The following PINX1 variants were observed in gnomAD, a reference collection of about 807,000 sequenced individuals.
PINX1 encodes PIN2/TERF1-interacting telomerase inhibitor 1.
Under a neutral mutation model 25.4 loss-of-function variants are expected in PINX1, and 34 were observed. That is an observed-to-expected ratio of 1.34 (90% confidence interval 1.02 to 1.78). The LOEUF (loss-of-function observed/expected upper bound fraction) is 1.78. Ranked by LOEUF, PINX1 falls within the 40% of genes most tolerant of loss-of-function variation. The probability of loss-of-function intolerance (pLI) is 0.00; values close to 1 mark genes in which losing one functional copy is unlikely to be tolerated. For missense variants in PINX1, 592 were observed against 404.9 expected, an observed-to-expected ratio of 1.46 and a Z score of -3.97; for synonymous variants, 197 against 147.7, an observed-to-expected ratio of 1.33 and a Z score of -2.42.
At chr8:10,833,013 A>G (rs754299741) in intron 2 of PINX1, 29 bp from the exon 3 acceptor site, 9 of 1,401,488 alleles carry the variant, frequency 6.4e-6, no homozygotes, top group African/African-American at 1.6e-5. Flanking sequence ...GAGAGTTAGA[A>G]CATTCCTCTC....
chr8:10,799,834 T>C (rs943924466), intron 6 of PINX1, among the ~76,000 whole-genome samples: 4 of 152,128 alleles, frequency 2.6e-5, no homozygotes, highest in African/African-American at 7.2e-5. Context: ...CTGGGCAAAG[T>C]AGGTTTTTTC....
chr8:10,814,081 C>A (rs112832127), intron 6 of PINX1, among the ~76,000 whole-genome samples: 3 of 152,142 alleles, frequency 2.0e-5, no homozygotes. Context: ...TCTCAAGGGG[C>A]CCTGGGAATC....
chr8:10,787,710 G>A (rs1002669580), intron 6 of PINX1: 6 of 434,072 alleles, frequency 1.4e-5, no homozygotes, highest in African/African-American at 1.2e-4. Flanking sequence ...GTGAGTCAGT[G>A]TACGGTCTCT....
intron 6 of PINX1, among the ~76,000 whole-genome samples, chr8:10,784,107 T>C (rs934697692): frequency 6.6e-6 from 1 of 152,184 alleles, no homozygotes; most frequent in Non-Finnish European, 1.5e-5. Context: ...ATTTAGAGTA[T>C]CTGAGGTCCA....
At chr8:10,770,578 C>T (rs1363191967) in intron 6 of PINX1, among the ~76,000 whole-genome samples, 1 of 152,196 alleles carries the variant, frequency 6.6e-6, no homozygotes, top group Non-Finnish European at 1.5e-5. Context: ...CCTCTGGGCT[C>T]ATGGAGGACT....
intron 6 of PINX1, among the ~76,000 whole-genome samples, chr8:10,799,485 G>C (rs1802196876): frequency 6.6e-6 from 1 of 152,160 alleles, no homozygotes; most frequent in African/African-American, 2.4e-5. Flanking sequence ...TTCTAGACCT[G>C]CCACCAAAGA....
At chr8:10,820,528 C>A (rs1458435267) in intron 5 of PINX1, among the ~76,000 whole-genome samples, 1 of 152,208 alleles carries the variant, frequency 6.6e-6, no homozygotes. Context: ...CTAGAGCATA[C>A]TGACTGCAAG....
chr8:10,769,935 T>G (rs955523194), intron 6 of PINX1, among the ~76,000 whole-genome samples: 1 of 152,222 alleles, frequency 6.6e-6, no homozygotes, highest in African/African-American at 2.4e-5. Context: ...CTCACCTAAG[T>G]TGACTGATGC....
At chr8:10,825,108 G>A (rs182760499) in intron 5 of PINX1, among the ~76,000 whole-genome samples, 152 of 152,294 alleles carry the variant, frequency 1.0e-3, no homozygotes, top group Admixed American at 1.6e-3. Flanking sequence ...ACTCAGCTCT[G>A]CCACGGCCTC....
In PINX1 at chr8:10,777,587, T is replaced by A. The variant is rs532037344; in HGVS notation, c.472-11671A>T. On this transcript the variant is annotated intron_variant, in intron 6 of 6. Coordinates refer to ENST00000314787, the MANE Select transcript of PINX1 (RefSeq NM_017884.6). ...GGCTTGGGGACTGCAGGGAGTGAGG[T>A]AGGCAGGGTGTAGAATGAGAAAAGG... Among the ~76,000 whole-genome samples, 8 of 152,052 alleles carry A rather than the reference T, an allele frequency of 5.3e-5. No homozygotes were observed. In the East Asian group the frequency reaches 1.5e-3, roughly 29 times the overall value.
chr8:10,829,333 C>G (rs1169242623), intron 4 of PINX1, among the ~76,000 whole-genome samples: 3 of 149,280 alleles, frequency 2.0e-5, no homozygotes, highest in Admixed American at 6.6e-5. Flanking sequence ...ACCCTAGATT[C>G]TTTATGAAAT....
chr8:10,773,593 C>A (rs1801298054), intron 6 of PINX1, among the ~76,000 whole-genome samples: 1 of 152,184 alleles, frequency 6.6e-6, no homozygotes, highest in Admixed American at 6.5e-5. Context: ...GAGAAATACA[C>A]AGAATGCCAA....
At chr8:10,798,254 A>G (rs1549793) in intron 6 of PINX1, among the ~76,000 whole-genome samples, 29,354 of 152,226 alleles carry the variant, frequency 0.19, 3,097 homozygotes, top group Non-Finnish European at 0.23. Flanking sequence ...GTGTGCGTGT[A>G]TGCATACTCA....
intron 6 of PINX1, among the ~76,000 whole-genome samples, chr8:10,798,532 T>C (rs899408035): frequency 1.3e-5 from 2 of 152,184 alleles, no homozygotes; most frequent in African/African-American, 4.8e-5. Flanking sequence ...TAACTTCTTT[T>C]TATCAGTCAA....
At chr8:10,796,429 C>T (rs560920513) in intron 6 of PINX1, among the ~76,000 whole-genome samples, 12 of 152,286 alleles carry the variant, frequency 7.9e-5, no homozygotes, top group Non-Finnish European at 1.3e-4. Flanking sequence ...ACCATTAAGA[C>T]TCACTCAGCC....
At chr8:10,781,130 G>A (rs547036188) in intron 6 of PINX1, among the ~76,000 whole-genome samples, 10 of 152,168 alleles carry the variant, frequency 6.6e-5, no homozygotes, top group African/African-American at 2.4e-4. Flanking sequence ...AAATGGTGCT[G>A]GAAAAACTGG....
intron 6 of PINX1, among the ~76,000 whole-genome samples, chr8:10,785,982 T>G (rs1801735650): frequency 6.6e-6 from 1 of 152,178 alleles, no homozygotes; most frequent in African/African-American, 2.4e-5. Context: ...ACTACCAGAT[T>G]AAGGGAGTTT....
chr8:10,821,298 A>G (rs1433219569), intron 5 of PINX1, among the ~76,000 whole-genome samples: 1 of 152,176 alleles, frequency 6.6e-6, no homozygotes, highest in Non-Finnish European at 1.5e-5. Flanking sequence ...CTTAAATATG[A>G]TATTGCTCAG....
At chr8:10,777,291 G>C (rs1200189771) in intron 6 of PINX1, among the ~76,000 whole-genome samples, 1 of 152,206 alleles carries the variant, frequency 6.6e-6, no homozygotes, top group Admixed American at 6.5e-5. Flanking sequence ...CTCTCAAAAA[G>C]TCAGGACCCA....
Sources: allele counts gnomAD v4.1 joint callset (sites outside exome capture counted in the v4.1 genomes callset), GRCh38; gene constraint gnomAD v4.1.1; transcripts MANE v1.5; gene names NCBI Gene and HGNC (gene_info 2026-07-23, HGNC 2026-07-21).